LMNB2: variants seen among roughly 807,000 people sequenced by gnomAD.
LMNB2 encodes lamin-B2.
A neutral mutation model predicts 69.3 loss-of-function variants in LMNB2; 17 were observed. The ratio of observed to expected loss-of-function variants is 0.25; its 90% CI spans 0.17 to 0.37. The LOEUF (loss-of-function observed/expected upper bound fraction) is 0.37. Among genes scored for constraint, LMNB2 ranks in the 10% least tolerant of loss-of-function variants. The pLI is 1.00. For synonymous variants in LMNB2, 397 were observed against 389.3 expected (o/e 1.02, Z -0.23); for missense variants, 789 against 883.6 (o/e 0.89, Z 1.36).
chr19:2,446,853 A>G (rs1163059205), intron 1 of LMNB2, among the ~76,000 whole-genome samples: 1 of 152,142 alleles, frequency 6.6e-6, no homozygotes, highest in Non-Finnish European at 1.5e-5. Context: ...TGAAAACTAC[A>G]CATGGTGCCG....
At chr19:2,444,264 G>T in intron 2 of LMNB2, 140 bp downstream of exon 2, 3 of 975,432 alleles carry the variant, frequency 3.1e-6, no homozygotes, top group Non-Finnish European at 4.7e-6. Context: ...GCCACTGGTG[G>T]GGGAGAGAGG....
At chr19:2,452,281 C>A (rs1332150650) in intron 1 of LMNB2, among the ~76,000 whole-genome samples, 2 of 152,148 alleles carry the variant, frequency 1.3e-5, no homozygotes, top group Non-Finnish European at 1.5e-5. Context: ...AAGAAGTGAG[C>A]AAGTTAGCCG....
At chr19:2,432,333 C>CCCCCACA in intron 9 of LMNB2, 83 bp downstream of exon 9, 1 of 906,304 alleles carries the variant, frequency 1.1e-6, no homozygotes, top group Non-Finnish European at 1.8e-6. Context: ...CACCCACCCC[C>CCCCCACA]GCCAAGTCCT....
At chr19:2,439,979 C>T (rs1179506525) in intron 2 of LMNB2, among the ~76,000 whole-genome samples, 7 of 151,904 alleles carry the variant, frequency 4.6e-5, no homozygotes, top group African/African-American at 1.7e-4. Flanking sequence ...GTGATCTGCC[C>T]GCCTCGGCCT....
intron 1 of LMNB2, among the ~76,000 whole-genome samples, chr19:2,449,989 C>T (rs141650272): frequency 0.043 from 6,491 of 151,976 alleles, 165 homozygotes; most frequent in Non-Finnish European, 0.051. Context: ...GCAGGAGAAT[C>T]GCTTGAACCA....
chr19:2,454,174 T>C (rs1210465609), intron 1 of LMNB2, among the ~76,000 whole-genome samples: 1 of 150,662 alleles, frequency 6.6e-6, no homozygotes, highest in African/African-American at 2.5e-5. Flanking sequence ...ACACCTGTAA[T>C]CCCAGCTACT....
Position 2,456,926 on chromosome 19 carries a change from G to A in LMNB2, c.8C>T (p.Pro3Leu), listed in dbSNP as rs1972098760. The A allele has an allele frequency of 4.0e-6, 4 of 992,814 alleles. No individual in the cohort carries two copies. The highest frequency in any genetic ancestry group is 9.0e-5 in the South Asian group (2 of 22,166). The allele number at this position is 992,814 out of a possible 1,614,324, so 61.5% of individuals were successfully genotyped here. The change falls in exon 1 of 12, where the codon CCG becomes CTG. Residue 3 changes from proline (P) to leucine (L), a missense_variant. Transcript: ENST00000325327. MSPPSPGRRREQR... is the reference protein window; with the variant it reads MSLPSPGRRREQR... ...CTCCCGACGGCGGCCCGGGCTCGGCGGGCTCATTCAATCCGCGCCGCCGGC... is the reference window on the plus strand; with the variant it reads ...CTCCCGACGGCGGCCCGGGCTCGGCAGGCTCATTCAATCCGCGCCGCCGGC...
chr19:2,442,262 C>T (rs1457245796), intron 2 of LMNB2, among the ~76,000 whole-genome samples: 1 of 152,026 alleles, frequency 6.6e-6, no homozygotes, highest in Non-Finnish European at 1.5e-5. Context: ...TGAAGACCAG[C>T]TTGAGCAACA....
chr19:2,432,460 T>G lies in LMNB2; in HGVS notation c.1546A>C (p.Lys516Gln), dbSNP rs1971753377. The G allele has an allele frequency of 6.2e-7, 1 of 1,613,616 alleles. No individual in the cohort carries two copies. The highest frequency in any genetic ancestry group is 1.3e-5 in the African/African-American group (1 of 74,798). Residue 516 changes from lysine to glutamine, a missense_variant, in exon 9 of 12, where the codon AAG (lysine) becomes CAG (glutamine). Around this residue, in one of 3 missense-constraint regions of LMNB2, gnomAD observed 609 missense variants for 630.9 expected, o/e 0.97. Transcript: ENST00000325327. The stretch of plus-strand genomic sequence containing the variant: ...CGCAGGATGTACTTGGGCGTGAACT[T>G]GTAGGCGATCTCCTCCCCCTCCAAG... ...QVLEGEEIAY[K>Q]FTPKYILRAG...
chr19:2,434,012 G>A lies in LMNB2; in HGVS notation c.1296C>T (p.Gly432=). ...SGSLSATGRL[G]RSKRKRLEVE... ...CCTCCAGCCGCTTCCGCTTACTGCGGCCCAGGCGCCCGGTGGCGGACAAGC... is the reference window on the plus strand; with the variant it reads ...CCTCCAGCCGCTTCCGCTTACTGCGACCCAGGCGCCCGGTGGCGGACAAGC... Residue 432 remains glycine (G), a synonymous_variant, in exon 8 of 12, where the codon GGC becomes GGT. Transcript: ENST00000325327. 1.2e-6 allele frequency: 2 copies of A among 1,607,096 alleles called. No individual in the cohort carries two copies. Among genetic ancestry groups the A allele is most frequent in the Non-Finnish European group, 1.7e-6 (2 of 1,178,022 alleles).
intron 5 of LMNB2, 29 bp downstream of exon 5, chr19:2,434,971 CG>C: frequency 1.3e-6 from 2 of 1,592,858 alleles, no homozygotes; most frequent in Non-Finnish European, 8.5e-7. Flanking sequence ...TCCCACCGGC[CG>C]CCCCCGCCCA....
intron 1 of LMNB2, among the ~76,000 whole-genome samples, chr19:2,451,149 A>AGG (rs1367824597): frequency 6.6e-6 from 1 of 152,092 alleles, no homozygotes; most frequent in African/African-American, 2.4e-5. Context: ...GCTGAGGCAC[A>AGG]AGAATCGCTT....
At position 2,431,594 on chromosome 19, in the gene LMNB2, T is replaced by G; in HGVS notation, c.1775A>C (p.Glu592Ala). 6.2e-7 allele frequency: 1 copy of G among 1,614,122 alleles called. No homozygotes were observed. Among genetic ancestry groups the G allele is most frequent in the Non-Finnish European group, 8.5e-7 (1 of 1,179,976 alleles). Residue 592 changes from glutamate to alanine, a missense_variant, in exon 11 of 12, where the codon GAG (glutamate) becomes GCG (alanine). Transcript: ENST00000325327. ...VMRENENGEE[E>A]EEEAEFGEED... ...CTCGCCAAACTCGGCTTCCTCCTCCTCTTCCTCCCCATTCTCATTCTCACG... is the reference window on the plus strand; with the variant it reads ...CTCGCCAAACTCGGCTTCCTCCTCCGCTTCCTCCCCATTCTCATTCTCACG...
At chr19:2,456,364 G>T (rs1445022472) in intron 1 of LMNB2, among the ~76,000 whole-genome samples, 2 of 151,050 alleles carry the variant, frequency 1.3e-5, no homozygotes, top group African/African-American at 4.9e-5. Flanking sequence ...CGCACCCCGC[G>T]GTGGGCGGGG....
At position 2,429,004 on chromosome 19, in the gene LMNB2, A is replaced by C. The variant is rs939554816; in HGVS notation, c.*1907T>G. 2.0e-5 allele frequency: 3 copies of C among 151,980 alleles called. No individual in the cohort carries two copies. The highest frequency in any genetic ancestry group is 7.3e-5 in the African/African-American group (3 of 41,342). 9.4% of individuals were successfully genotyped at this position (151,980 alleles called of 1,614,324 possible). A position where few individuals can be genotyped will look rare whatever the true frequency, so the allele number is the denominator to read the frequency against. ...GACTGGGCAGCGTCTGGACATGAGGACCTGCGGGTTTTGGGGGGGACTTTG... is the reference window on the plus strand; with the variant it reads ...GACTGGGCAGCGTCTGGACATGAGGCCCTGCGGGTTTTGGGGGGGACTTTG... On this transcript the variant is annotated 3_prime_UTR_variant, in exon 12 of 12. Transcript: ENST00000325327.
chr19:2,435,056 T>C lies in LMNB2; in HGVS notation c.800A>G (p.His267Arg). The stretch of plus-strand genomic sequence containing the variant: ...CTTGTAGAGCCGCACTTGCTCGTCG[T>C]GCTGGCTCCGCAGCTCCTCCAGCGC... Reference protein sequence around the residue: ...AQALEELRSQHDEQVRLYKLE... With the variant: ...AQALEELRSQRDEQVRLYKLE... The change falls in exon 5 of 12, where the codon CAC becomes CGC. Residue 267 changes from histidine (H) to arginine (R), a missense_variant. Physicochemically the swap from His to Arg is conservative, Grantham distance 29 (BLOSUM62 0). This residue lies in a region of LMNB2 where 609 missense variants were observed against 630.9 expected (regional missense o/e 0.97). Transcript: ENST00000325327. The C allele has an allele frequency of 6.2e-7, 1 of 1,609,350 alleles. No homozygotes were observed. The highest frequency in any genetic ancestry group is 8.5e-7 in the Non-Finnish European group (1 of 1,178,940).
chr19:2,434,582 A>G (rs1219154011), intron 6 of LMNB2, 67 bp from the exon 7 acceptor site: 12 of 1,552,580 alleles, frequency 7.7e-6, no homozygotes, highest in Non-Finnish European at 1.0e-5. Context: ...TGATCCTGGG[A>G]CTGCGGGAGA....
At chr19:2,456,532 C>T in intron 1 of LMNB2, 138 bp downstream of exon 1, 1 of 967,768 alleles carries the variant, frequency 1.0e-6, no homozygotes, top group East Asian at 3.8e-5. Context: ...AGGGGCCCCC[C>T]GAAACCCCGC....
At chr19:2,450,721 T>C (rs770240067) in intron 1 of LMNB2, among the ~76,000 whole-genome samples, 1 of 151,884 alleles carries the variant, frequency 6.6e-6, no homozygotes, top group Non-Finnish European at 1.5e-5. Flanking sequence ...CACAGCAACC[T>C]CTGCTTCCCG....
Sources: allele counts gnomAD v4.1 joint callset (sites outside exome capture counted in the v4.1 genomes callset), GRCh38; gene constraint gnomAD v4.1.1; regional missense constraint gnomAD v4.1.1; transcripts MANE v1.5; gene names NCBI Gene and HGNC (gene_info 2026-07-23, HGNC 2026-07-21).